Variants in MARCHF1 observed in about 807,000 individuals in gnomAD.
MARCHF1 encodes the protein E3 ubiquitin-protein ligase MARCHF1.
A neutral mutation model predicts 54.2 loss-of-function variants in MARCHF1; 40 were observed. The observed-to-expected ratio is 0.74, with a 90% CI of 0.57 to 0.96. The LOEUF (loss-of-function observed/expected upper bound fraction) is 0.96, where lower values mean the gene tolerates loss of function less well. Among genes scored for constraint, MARCHF1 ranks in the 40% least tolerant of loss-of-function variants. MARCHF1 has a pLI of 0.00. For missense variants in MARCHF1, 586 were observed against 656.5 expected (o/e 0.89, Z 1.17); for synonymous variants, 236 against 236.3 (o/e 1.00, Z 0.01).
intron 2 of MARCHF1, among the ~76,000 whole-genome samples, chr4:163,998,044 C>G (rs1471706990): frequency 2.0e-5 from 2 of 101,328 alleles, no homozygotes; most frequent in African/African-American, 7.0e-5. Context: ...TTTTATTACC[C>G]TAAGAAAATT....
intron 3 of MARCHF1, among the ~76,000 whole-genome samples, chr4:163,922,568 C>T (rs1751455208): frequency 6.6e-6 from 1 of 152,170 alleles, no homozygotes; most frequent in African/African-American, 2.4e-5. Flanking sequence ...TACTCACATA[C>T]AGCTATTGTA....
intron 4 of MARCHF1, among the ~76,000 whole-genome samples, chr4:163,725,108 C>T (rs768724155): frequency 6.6e-6 from 1 of 152,166 alleles, no homozygotes; most frequent in South Asian, 2.1e-4. Flanking sequence ...ACGCTGGGAG[C>T]TGTAGGCTGG....
chr4:163,558,185 G>A (rs546542464), intron 8 of MARCHF1, among the ~76,000 whole-genome samples: 141 of 152,266 alleles, frequency 9.3e-4, no homozygotes, highest in South Asian at 6.8e-3. Flanking sequence ...GAGGACCCCC[G>A]ATTATCATCC....
At chr4:163,996,789 T>C (rs1363943824) in intron 2 of MARCHF1, among the ~76,000 whole-genome samples, 1 of 152,028 alleles carries the variant, frequency 6.6e-6, no homozygotes, top group East Asian at 1.9e-4. Context: ...CAAACATACA[T>C]GCACACAGGG....
At chr4:163,614,780 T>A (rs1354542402) in intron 5 of MARCHF1, among the ~76,000 whole-genome samples, 1 of 152,070 alleles carries the variant, frequency 6.6e-6, no homozygotes, top group Non-Finnish European at 1.5e-5. Context: ...TGAGGAGATT[T>A]ATGCAAATTA....
intron 4 of MARCHF1, among the ~76,000 whole-genome samples, chr4:163,785,820 T>A (rs1747602466): frequency 6.6e-6 from 1 of 152,006 alleles, no homozygotes; most frequent in South Asian, 2.1e-4. Flanking sequence ...TATGTTACCA[T>A]AAATGGCAAA....
chr4:164,173,145 G>C lies in MARCHF1; in HGVS notation c.-322-61483C>G, dbSNP rs554565877. On this transcript the variant is annotated intron_variant, in intron 1 of 9. Coordinates refer to ENST00000514618, the MANE Select transcript of MARCHF1 (RefSeq NM_001394959.1). The stretch of plus-strand genomic sequence containing the variant: ...AGTTTTGCATTTAAATCAACACTTA[G>C]ACTTTCTGGAACCATTAAACACACA... Among the ~76,000 whole-genome samples the C allele has an allele frequency of 5.1e-4, 77 of 152,278 alleles. 1 individual carries two copies. Among genetic ancestry groups the C allele is most frequent in the African/African-American group, 1.8e-3 (74 of 41,554 alleles).
intron 3 of MARCHF1, among the ~76,000 whole-genome samples, chr4:163,975,735 A>G (rs1207471961): frequency 1.3e-5 from 2 of 152,184 alleles, no homozygotes; most frequent in Non-Finnish European, 2.9e-5. Flanking sequence ...GGCCTCCTCT[A>G]TTGAACAATA....
chr4:164,068,238 C>G (rs1240702063), intron 2 of MARCHF1, among the ~76,000 whole-genome samples: 1 of 152,156 alleles, frequency 6.6e-6, no homozygotes, highest in Non-Finnish European at 1.5e-5. Context: ...GTGCTGGCAG[C>G]CCTCGCAGCC....
intron 9 of MARCHF1, among the ~76,000 whole-genome samples, chr4:163,539,084 G>T (rs996708803): frequency 1.3e-5 from 2 of 151,956 alleles, no homozygotes; most frequent in South Asian, 4.1e-4. Flanking sequence ...GCAGTGGTGC[G>T]ATCTCAGCTC....
intron 2 of MARCHF1, among the ~76,000 whole-genome samples, chr4:164,110,078 GT>G (rs1371474007): frequency 6.7e-6 from 1 of 149,986 alleles, no homozygotes; most frequent in Non-Finnish European, 1.5e-5. Context: ...AAGTTTTAAT[GT>G]TGTTGTTATT....
intron 1 of MARCHF1, among the ~76,000 whole-genome samples, chr4:164,146,900 G>C (rs1579573173): frequency 6.7e-6 from 1 of 149,686 alleles, no homozygotes; most frequent in East Asian, 2.0e-4. Context: ...TACAAAATGG[G>C]AGAAAATTTT....
intron 4 of MARCHF1, among the ~76,000 whole-genome samples, chr4:163,793,201 C>A (rs962629839): frequency 1.3e-5 from 2 of 152,162 alleles, no homozygotes; most frequent in Non-Finnish European, 2.9e-5. Flanking sequence ...TCTAGAGATG[C>A]AAGTTGCCAC....
At chr4:163,718,183 C>T (rs1232775016) in intron 4 of MARCHF1, among the ~76,000 whole-genome samples, 1 of 152,106 alleles carries the variant, frequency 6.6e-6, no homozygotes, top group African/African-American at 2.4e-5. Flanking sequence ...AATGTTAGAC[C>T]TAAAACCATA....
chr4:163,607,859 T>C (rs1362651729), intron 7 of MARCHF1, among the ~76,000 whole-genome samples: 1 of 152,040 alleles, frequency 6.6e-6, no homozygotes, highest in East Asian at 1.9e-4. Context: ...CATCAGAAAC[T>C]CTAAGGGTGG....
At chr4:163,641,566 A>T (rs1413044763) in intron 5 of MARCHF1, among the ~76,000 whole-genome samples, 2 of 152,186 alleles carry the variant, frequency 1.3e-5, no homozygotes. Flanking sequence ...GGGTTAATAC[A>T]TATATTTAAG....
intron 1 of MARCHF1, among the ~76,000 whole-genome samples, chr4:164,304,097 T>C (rs1234317098): frequency 1.3e-5 from 2 of 152,176 alleles, no homozygotes; most frequent in Admixed American, 1.3e-4. Context: ...GATTGGAAGA[T>C]TGTAAGCCAT....
At position 163,632,696 on chromosome 4, in the gene MARCHF1, G is replaced by C. The variant is rs534449654; in HGVS notation, c.163-19303C>G. 1.6e-3 allele frequency among the ~76,000 whole-genome samples: 240 copies of C among 152,348 alleles called. 1 individual carries two copies. Among genetic ancestry groups the C allele is most frequent in the African/African-American group, 5.6e-3 (233 of 41,586 alleles). Reference sequence around the variant, plus strand: ...GGGGCGCCCACCATTGCCCAGGCTTGCTTAGGTAAACAAAGCAGCCTGGAA... The same window carrying C: ...GGGGCGCCCACCATTGCCCAGGCTTCCTTAGGTAAACAAAGCAGCCTGGAA... On this transcript the variant is annotated intron_variant, in intron 5 of 9. Transcript: ENST00000514618.
intron 9 of MARCHF1, among the ~76,000 whole-genome samples, chr4:163,545,008 T>A (rs765790716): frequency 1.1e-4 from 16 of 152,140 alleles, no homozygotes; most frequent in Admixed American, 6.5e-5. Context: ...TGTTTCTGTT[T>A]TAAGTGACTT....
Sources: allele counts gnomAD v4.1 joint callset (sites outside exome capture counted in the v4.1 genomes callset), GRCh38; gene constraint gnomAD v4.1.1; transcripts MANE v1.5; gene names NCBI Gene and HGNC (gene_info 2026-07-23, HGNC 2026-07-21).